Variants in PNLIPRP3 observed in about 807,000 individuals in gnomAD.
PNLIPRP3 encodes pancreatic lipase-related protein 3.
In PNLIPRP3, 58 loss-of-function variants were observed where a neutral mutation model predicts 52.8. The ratio of observed to expected loss-of-function variants is 1.10; its 90% CI spans 0.89 to 1.37. The LOEUF is 1.37. PNLIPRP3 is among the 40% of genes most tolerant of loss of function. The pLI is 0.00. For missense variants in PNLIPRP3, 593 were observed against 561.6 expected, an observed-to-expected ratio of 1.06 and a Z score of -0.57; for synonymous variants, 192 against 185.0, an observed-to-expected ratio of 1.04 and a Z score of -0.31.
chr10:116,444,535 T>G lies in PNLIPRP3; in HGVS notation c.456+22T>G, dbSNP rs951583411. ...CATGGTAAGAAGAGTTGATTTTTTT[T>G]TAATTATATTGAATTGGTTTTGGAT... On this transcript the variant is annotated intron_variant, in intron 4 of 11. Transcript: ENST00000369230. 3 of 1,599,054 alleles carry G rather than the reference T, an allele frequency of 1.9e-6. No individual in the cohort carries two copies. In the African/African-American group the frequency reaches 4.0e-5, roughly 22 times the overall value.
intron 2 of PNLIPRP3, among the ~76,000 whole-genome samples, chr10:116,441,234 C>T (rs972172253): frequency 2.0e-5 from 3 of 152,058 alleles, no homozygotes; most frequent in Admixed American, 2.0e-4. Flanking sequence ...ACAAGATCAC[C>T]CATATCAGCA....
At chr10:116,469,615 A>T (rs1846334353) in intron 9 of PNLIPRP3, among the ~76,000 whole-genome samples, 1 of 152,216 alleles carries the variant, frequency 6.6e-6, no homozygotes, top group Admixed American at 6.5e-5. Context: ...CTCCTGAAGG[A>T]TGAGTAAGAG....
chr10:116,466,820 G>T (rs1170058591), intron 8 of PNLIPRP3, among the ~76,000 whole-genome samples: 1 of 152,174 alleles, frequency 6.6e-6, no homozygotes, highest in Non-Finnish European at 1.5e-5. Flanking sequence ...GAAGTTTATG[G>T]TAAGTAATAG....
rs185507314 is a variant in PNLIPRP3, at chr10:116,459,287, A to T, written c.566-1679A>T. Among the ~76,000 whole-genome samples, 873 of 151,980 alleles carry T rather than the reference A, an allele frequency of 5.7e-3. 4 individuals carry two copies. The highest frequency in any genetic ancestry group is 9.4e-3 in the Non-Finnish European group (638 of 67,982). ...ATTATATTAGTCAGAAAAATAAAAAAAAAAAAAAACACATCCTATGACAAG... is the reference window on the plus strand; with the variant it reads ...ATTATATTAGTCAGAAAAATAAAAATAAAAAAAAACACATCCTATGACAAG... On this transcript the variant is annotated intron_variant, in intron 5 of 11. Coordinates refer to ENST00000369230, the MANE Select transcript of PNLIPRP3 (RefSeq NM_001011709.3).
chr10:116,473,667 G>A (rs1223859301), intron 10 of PNLIPRP3, among the ~76,000 whole-genome samples: 1 of 151,860 alleles, frequency 6.6e-6, no homozygotes. Flanking sequence ...GATTACAGGT[G>A]CCCACCACCA....
chr10:116,448,976 A>G (rs1322638735), intron 4 of PNLIPRP3, among the ~76,000 whole-genome samples: 2 of 149,878 alleles, frequency 1.3e-5, no homozygotes, highest in African/African-American at 4.9e-5. Context: ...AGATAGTGCC[A>G]TTACACTCCA....
intron 7 of PNLIPRP3, among the ~76,000 whole-genome samples, chr10:116,465,452 G>A (rs1283836410): frequency 2.0e-5 from 3 of 151,872 alleles, no homozygotes; most frequent in Admixed American, 6.6e-5. Flanking sequence ...GGAGAATGGC[G>A]TGAACCCCGG....
Position 116,441,233 on chromosome 10 carries a change from C to T in PNLIPRP3, c.205-1822C>T, listed in dbSNP as rs114670329. On this transcript the variant is annotated intron_variant, in intron 2 of 11. Transcript: ENST00000369230. The stretch of plus-strand genomic sequence containing the variant: ...TCCTCATTGATGTCAGACAAGATCA[C>T]CCATATCAGCATACCTGGATGGAAA... Among the ~76,000 whole-genome samples, 823 of 152,220 alleles carry T rather than the reference C, an allele frequency of 5.4e-3. 6 individuals are homozygous for T. Among genetic ancestry groups the T allele is most frequent in the African/African-American group, 0.018 (766 of 41,532 alleles).
intron 4 of PNLIPRP3, among the ~76,000 whole-genome samples, chr10:116,451,834 A>G (rs1232555537): frequency 1.6e-5 from 1 of 63,314 alleles, no homozygotes; most frequent in Non-Finnish European, 5.8e-5. Flanking sequence ...CACAAGAATG[A>G]ACTAACACAA....
chr10:116,445,015 G>A (rs981775627), intron 4 of PNLIPRP3, among the ~76,000 whole-genome samples: 5 of 152,290 alleles, frequency 3.3e-5, no homozygotes, highest in African/African-American at 7.2e-5. Flanking sequence ...TATACTCTGC[G>A]ACATTCACGA....
At chr10:116,440,202 G>A (rs1370610798) in intron 2 of PNLIPRP3, among the ~76,000 whole-genome samples, 1 of 152,078 alleles carries the variant, frequency 6.6e-6, no homozygotes, top group East Asian at 1.9e-4. Flanking sequence ...TCACTCTTAG[G>A]ACTCATCAGG....
intron 1 of PNLIPRP3, 44 bp downstream of exon 1, chr10:116,428,105 A>G: frequency 7.5e-7 from 1 of 1,330,000 alleles, no homozygotes; most frequent in Non-Finnish European, 1.1e-6. Context: ...AATAATGAGT[A>G]TACTTACATC....
chr10:116,439,420 C>A, intron 2 of PNLIPRP3: 2 of 591,162 alleles, frequency 3.4e-6, no homozygotes, highest in Non-Finnish European at 3.0e-6. Context: ...AGCTCCCCTA[C>A]TCTAAGTATT....
At chr10:116,468,200 G>C (rs1001018650) in intron 8 of PNLIPRP3, among the ~76,000 whole-genome samples, 2 of 145,796 alleles carry the variant, frequency 1.4e-5, no homozygotes, top group African/African-American at 5.1e-5. Flanking sequence ...TTATGTACTT[G>C]AGTGGAATTC....
rs1385811511 is a variant in PNLIPRP3, at chr10:116,455,848, T to A, written c.565+18T>A. ...AATAACTGGTAAGCATGCCCTGCAG[T>A]TGGGCCTTGAGTGTGTTTAAATATT... On this transcript the variant is annotated intron_variant, in intron 5 of 11. Coordinates refer to ENST00000369230, the MANE Select transcript of PNLIPRP3 (RefSeq NM_001011709.3). 1 of 1,579,292 alleles carries A rather than the reference T, an allele frequency of 6.3e-7. No individual in the cohort carries two copies. Among genetic ancestry groups the A allele is most frequent in the Non-Finnish European group, 8.7e-7 (1 of 1,148,884 alleles).
chr10:116,458,610 TTG>T (rs1265122869), intron 5 of PNLIPRP3, among the ~76,000 whole-genome samples: 1 of 152,224 alleles, frequency 6.6e-6, no homozygotes, highest in Non-Finnish European at 1.5e-5. Context: ...TGAAGATTAA[TTG>T]TGAGATAAAT....
At position 116,446,836 on chromosome 10, in the gene PNLIPRP3, A is replaced by G. The variant is rs990800982; in HGVS notation, c.456+2323A>G. The stretch of plus-strand genomic sequence containing the variant: ...TAACTTCTACCTCTGACCCAGCACC[A>G]TATGATCTGAAGGAAACTCCTAGCT... On this transcript the variant is annotated intron_variant, in intron 4 of 11. Coordinates refer to ENST00000369230, the MANE Select transcript of PNLIPRP3 (RefSeq NM_001011709.3). Among the ~76,000 whole-genome samples, 6 of 152,204 alleles carry G rather than the reference A, an allele frequency of 3.9e-5. No homozygotes were observed. In the East Asian group the frequency reaches 9.6e-4, roughly 24 times the overall value.
chr10:116,443,486 A>T (rs1845886781), intron 3 of PNLIPRP3, among the ~76,000 whole-genome samples: 1 of 151,594 alleles, frequency 6.6e-6, no homozygotes, highest in South Asian at 2.1e-4. Context: ...CATGAAATTA[A>T]TCTTTCTCTC....
intron 4 of PNLIPRP3, among the ~76,000 whole-genome samples, chr10:116,455,429 C>T (rs998689558): frequency 2.0e-5 from 3 of 152,152 alleles, no homozygotes; most frequent in African/African-American, 4.8e-5. Context: ...CAGCATGGAG[C>T]TAGAAGCCAC....
Sources: gnomAD v4.1 joint callset for allele counts (sites outside exome capture counted in the v4.1 genomes callset) on GRCh38, gnomAD v4.1.1 for gene constraint, MANE v1.5 for transcripts, NCBI Gene and HGNC (gene_info 2026-07-23, HGNC 2026-07-21) for gene names.